The following DENND1A variants were observed in gnomAD, a reference collection of about 807,000 sequenced individuals.
The protein encoded by DENND1A is DENN domain-containing protein 1A.
In DENND1A, 51 loss-of-function variants were observed where a neutral mutation model predicts 113.7. That is an observed-to-expected ratio of 0.45 (90% CI 0.36 to 0.57). The LOEUF is 0.57. Among genes scored for constraint, DENND1A ranks in the 20% least tolerant of loss-of-function variants. The pLI is 0.00. For missense variants in DENND1A, 1,258 were observed against 1,395.9 expected, an observed-to-expected ratio of 0.90 and a Z score of 1.57; for synonymous variants, 565 against 570.8, an observed-to-expected ratio of 0.99 and a Z score of 0.14.
At chr9:123,786,503 C>G (rs576092271) in intron 3 of DENND1A, among the ~76,000 whole-genome samples, 2 of 152,306 alleles carry the variant, frequency 1.3e-5, no homozygotes, top group African/African-American at 4.8e-5. Context: ...TAAGTTCCTT[C>G]AAGGGAGAGA....
chr9:123,652,256 C>A, intron 8 of DENND1A, 133 bp from the exon 9 acceptor site: 3 of 743,534 alleles, frequency 4.0e-6, no homozygotes, highest in Non-Finnish European at 6.4e-6. Flanking sequence ...TTTCTTTCTA[C>A]CTGGGAGGCC....
At chr9:123,693,225 C>G (rs2065285964) in intron 5 of DENND1A, among the ~76,000 whole-genome samples, 1 of 152,218 alleles carries the variant, frequency 6.6e-6, no homozygotes, top group African/African-American at 2.4e-5. Flanking sequence ...AACAGAATCT[C>G]CCTCACTGTC....
At chr9:123,820,350 G>A (rs1838255822) in intron 2 of DENND1A, among the ~76,000 whole-genome samples, 1 of 152,206 alleles carries the variant, frequency 6.6e-6, no homozygotes, top group African/African-American at 2.4e-5. Context: ...GGCCTTTAGA[G>A]ACTTGGCAAC....
chr9:123,650,830 C>T (rs1055834993), intron 9 of DENND1A, among the ~76,000 whole-genome samples: 1 of 144,664 alleles, frequency 6.9e-6, no homozygotes, highest in African/African-American at 2.6e-5. Context: ...TTACTTGTAC[C>T]TGGGAGGTGG....
chr9:123,408,711 C>T (rs2044078024), intron 20 of DENND1A, among the ~76,000 whole-genome samples: 1 of 152,210 alleles, frequency 6.6e-6, no homozygotes, highest in African/African-American at 2.4e-5. Context: ...AGCTCAGCGC[C>T]TGAGGCAGCT....
chr9:123,553,442 G>A (rs1338566993), intron 13 of DENND1A, among the ~76,000 whole-genome samples: 2 of 151,478 alleles, frequency 1.3e-5, no homozygotes, highest in Non-Finnish European at 2.9e-5. Flanking sequence ...CTGATCCGCG[G>A]CCAGGGTTGG....
chr9:123,540,983 G>A (rs866204940), intron 13 of DENND1A, among the ~76,000 whole-genome samples: 1 of 152,136 alleles, frequency 6.6e-6, no homozygotes, highest in Non-Finnish European at 1.5e-5. Context: ...CCTCACCCAG[G>A]AGCTTTCTCT....
chr9:123,655,206 C>T (rs2062872907), intron 8 of DENND1A, among the ~76,000 whole-genome samples: 1 of 152,178 alleles, frequency 6.6e-6, no homozygotes, highest in Admixed American at 6.5e-5. Flanking sequence ...TTGTCCCCAT[C>T]TTACAGTAAC....
At chr9:123,397,220 T>C (rs891316538) in intron 21 of DENND1A, among the ~76,000 whole-genome samples, 1 of 152,206 alleles carries the variant, frequency 6.6e-6, no homozygotes, top group South Asian at 2.1e-4. Context: ...AGTGGCATGA[T>C]CTCTGTTCCC....
At chr9:123,734,054 G>A (rs1046918444) in intron 5 of DENND1A, among the ~76,000 whole-genome samples, 1 of 151,540 alleles carries the variant, frequency 6.6e-6, no homozygotes, top group East Asian at 1.9e-4. Context: ...CTGTAGCCTC[G>A]AACTCCTGGA....
At chr9:123,762,769 A>C (rs1275392552) in intron 4 of DENND1A, among the ~76,000 whole-genome samples, 1 of 152,256 alleles carries the variant, frequency 6.6e-6, no homozygotes, top group African/African-American at 2.4e-5. Context: ...GGAAAATGGA[A>C]GGGAAGGAAA....
intron 5 of DENND1A, among the ~76,000 whole-genome samples, chr9:123,711,479 A>ATT (rs1304194980): frequency 1.5e-4 from 15 of 102,810 alleles, no homozygotes; most frequent in Non-Finnish European, 2.4e-4. Flanking sequence ...ATAATAATAA[A>ATT]TTAAAAAATA....
rs929233623 is a variant in DENND1A, at chr9:123,402,526, C to T, written c.1631+876G>A. 4 of 534,812 alleles carry T rather than the reference C, an allele frequency of 7.5e-6. No homozygotes were observed. In the Admixed American group the frequency reaches 7.8e-5, roughly 10 times the overall value. 33.1% of individuals were successfully genotyped at this position (534,812 alleles called of 1,614,324 possible). On this transcript the variant is annotated intron_variant, in intron 21 of 23. Coordinates refer to ENST00000394215, the MANE Select transcript of DENND1A (RefSeq NM_001352964.2). ...GACAGACATGGGGGCCTCCCCCTTT[C>T]CACCCAAAGGACTTCAGGATCCCTG... is the stretch of plus-strand genomic sequence containing the variant.
chr9:123,406,820 C>T (rs538043241), intron 20 of DENND1A, among the ~76,000 whole-genome samples: 13 of 152,236 alleles, frequency 8.5e-5, no homozygotes, highest in African/African-American at 3.1e-4. Flanking sequence ...CAGTTCTGCC[C>T]CTGCCCCGCG....
At chr9:123,919,913 GACA>G (rs1855920471) in intron 1 of DENND1A, among the ~76,000 whole-genome samples, 1 of 146,910 alleles carries the variant, frequency 6.8e-6, no homozygotes, top group African/African-American at 2.5e-5. Flanking sequence ...AGGATGATAT[GACA>G]ACATCTGGGA....
At chr9:123,505,999 T>C (rs1368450877) in intron 13 of DENND1A, among the ~76,000 whole-genome samples, 4 of 152,002 alleles carry the variant, frequency 2.6e-5, no homozygotes, top group South Asian at 2.1e-4. Flanking sequence ...TTCATGCGCC[T>C]GAGCCGAAAG....
At position 123,595,667 on chromosome 9, in the gene DENND1A, G is replaced by A. The variant is rs142267316; in HGVS notation, c.766-12397C>T. Among the ~76,000 whole-genome samples, 704 of 152,262 alleles carry A rather than the reference G, an allele frequency of 4.6e-3. 3 individuals carry two copies. Among genetic ancestry groups the A allele is most frequent in the Middle Eastern group, 0.01 (3 of 294 alleles). ...TAGGCAGCTTCAGGCAAGGCACTCA[G>A]CCTTCTCTAGCACCAGTTTCCCTTG... On this transcript the variant is annotated intron_variant, in intron 11 of 23. Coordinates refer to ENST00000394215, the MANE Select transcript of DENND1A (RefSeq NM_001352964.2).
At chr9:123,926,290 C>T (rs527933395) in intron 1 of DENND1A, among the ~76,000 whole-genome samples, 33 of 152,182 alleles carry the variant, frequency 2.2e-4, no homozygotes, top group South Asian at 1.0e-3. Flanking sequence ...AGGCTGGGCA[C>T]GGTGGCTCAC....
chr9:123,409,753 C>T (rs964518088), intron 20 of DENND1A, among the ~76,000 whole-genome samples: 2 of 152,098 alleles, frequency 1.3e-5, no homozygotes, highest in Non-Finnish European at 2.9e-5. Context: ...TATTAATAAA[C>T]TGGGCCATTC....
Sources: gnomAD v4.1 joint callset for allele counts (sites outside exome capture counted in the v4.1 genomes callset) on GRCh38, gnomAD v4.1.1 for gene constraint, MANE v1.5 for transcripts, NCBI Gene and HGNC (gene_info 2026-07-23, HGNC 2026-07-21) for gene names.